Variants in FAAP100 observed in about 807,000 individuals in gnomAD.
FAAP100 encodes Fanconi anemia core complex-associated protein 100.
Under a neutral mutation model 65.8 loss-of-function variants are expected in FAAP100, and 46 were observed. The observed-to-expected ratio is 0.70, with a 90% CI of 0.55 to 0.89. The LOEUF (loss-of-function observed/expected upper bound fraction) is 0.89. Ranked by LOEUF, FAAP100 falls within the 40% of genes least tolerant of loss-of-function variation. The pLI is 0.00. For synonymous variants in FAAP100, 663 were observed against 555.1 expected, an observed-to-expected ratio of 1.19 and a Z score of -2.73; for missense variants, 1,165 against 1,196.7, an observed-to-expected ratio of 0.97 and a Z score of 0.39.
At chr17:81,551,331 T>C in intron 2 of FAAP100, 128 bp from the exon 3 acceptor site, 1 of 907,036 alleles carries the variant, frequency 1.1e-6, no homozygotes, top group Non-Finnish European at 1.6e-6. Context: ...CGCTCAGCAG[T>C]CCATCTGCCA....
rs943829812 is a variant in FAAP100, at chr17:81,547,391, G to C, written c.1691C>G (p.Thr564Ser). The change falls in exon 5 of 9, where the codon ACC becomes AGC. Residue 564 changes from threonine to serine, a missense_variant. Thr to Ser is a moderately conservative substitution (Grantham distance 58). Transcript: ENST00000327787. ...GAGCTGGTCCACGGGGATGGTGTAG[G>C]TGATGGCGGAGCAGGCCGAGTCCAG... is the stretch of plus-strand genomic sequence containing the variant. ...LDLDSACSAI[T>S]YTIPVDQLGP... is the part of the protein sequence containing the mutation. 1.2e-5 allele frequency: 19 copies of C among 1,612,774 alleles called. No homozygotes were observed. The Admixed American group carries it at 2.0e-4, about 17-fold the overall frequency.
intron 3 of FAAP100, among the ~76,000 whole-genome samples, chr17:81,549,914 T>G (rs945422924): frequency 6.6e-6 from 1 of 152,210 alleles, no homozygotes; most frequent in Admixed American, 6.5e-5. Context: ...CAGACCTCCC[T>G]GGGCTGCTTG....
Position 81,550,825 on chromosome 17 carries a change from G to T in FAAP100, c.669C>A (p.Ala223=). Residue 223 remains alanine, a synonymous_variant, in exon 3 of 9, where the codon GCC becomes GCA. Coordinates refer to ENST00000327787, the MANE Select transcript of FAAP100 (RefSeq NM_025161.6). ...GGSGGFTLED[A]LFGLLFGADA... ...CAGCTCCAAAGAGGAGCCCGAAGAG[G>T]GCGTCCTCCAGCGTGAAGCCCCCGG... is the stretch of plus-strand genomic sequence containing the variant. The T allele has an allele frequency of 6.2e-7, 1 of 1,612,350 alleles. No homozygotes were observed. Among genetic ancestry groups the T allele is most frequent in the Non-Finnish European group, 8.5e-7 (1 of 1,179,744 alleles).
chr17:81,551,650 A>C (rs1598601765), intron 2 of FAAP100: 1 of 1,277,884 alleles, frequency 7.8e-7, no homozygotes, highest in Non-Finnish European at 1.0e-6. Flanking sequence ...GGCGTGTCTC[A>C]CCAGACAGCA....
chr17:81,548,107 G>C (rs940699964), intron 4 of FAAP100: 2 of 616,852 alleles, frequency 3.2e-6, no homozygotes, highest in East Asian at 5.5e-5. Context: ...AAACCAGGGG[G>C]GTCGCAGGCG....
Position 81,540,636 on chromosome 17 carries a change from A to C in FAAP100, c.*183T>G. On this transcript the variant is annotated 3_prime_UTR_variant, in exon 9 of 9. Coordinates refer to ENST00000327787, the MANE Select transcript of FAAP100 (RefSeq NM_025161.6). ...GCCCGCCTCGGTTGCTCCCAATCAG[A>C]ATCTGCTTTGTGCTCCACGGCCTCC... 1.2e-6 allele frequency: 1 copy of C among 803,078 alleles called. No individual in the cohort carries two copies. Among genetic ancestry groups the C allele is most frequent in the Non-Finnish European group, 1.8e-6 (1 of 564,122 alleles). The allele number at this position is 803,078 out of a possible 1,614,324, so 49.7% of individuals were successfully genotyped here.
In FAAP100 at chr17:81,540,144, T is replaced by C. The variant is rs8055; in HGVS notation, c.*675A>G. On this transcript the variant is annotated 3_prime_UTR_variant, in exon 9 of 9. Coordinates refer to ENST00000327787, the MANE Select transcript of FAAP100 (RefSeq NM_025161.6). Reference sequence around the variant, plus strand: ...GCACAGTGCTGGGTACTGCCCCGGCTGGAGGCACCTAGTTGTTGAGCATTC... The same window carrying C: ...GCACAGTGCTGGGTACTGCCCCGGCCGGAGGCACCTAGTTGTTGAGCATTC... 0.92 allele frequency: 366,387 copies of C among 398,808 alleles called. 168,609 individuals are homozygous for C. The highest frequency in any genetic ancestry group is 1 in the East Asian group (28,026 of 28,036). 24.7% of individuals were successfully genotyped at this position (398,808 alleles called of 1,614,324 possible).
intron 7 of FAAP100, among the ~76,000 whole-genome samples, chr17:81,541,967 A>C (rs1402599377): frequency 6.6e-6 from 1 of 151,790 alleles, no homozygotes; most frequent in South Asian, 2.1e-4. Context: ...GGAGATCGAG[A>C]CCATCCCGGC....
intron 5 of FAAP100, chr17:81,546,581 A>C: frequency 3.3e-6 from 1 of 303,098 alleles, no homozygotes; most frequent in Admixed American, 5.0e-5. Context: ...ACATAAGGCC[A>C]GAGCCCAACA....
chr17:81,550,818 C>G lies in FAAP100; in HGVS notation c.676G>C (p.Gly226Arg), dbSNP rs768301603. ...GGFTLEDALF[G>R]LLFGADATLL... The stretch of plus-strand genomic sequence containing the variant: ...GTGGCATCAGCTCCAAAGAGGAGCC[C>G]GAAGAGGGCGTCCTCCAGCGTGAAG... The change falls in exon 3 of 9, where the codon GGG (glycine) becomes CGG (arginine). Residue 226 changes from glycine (G) to arginine (R), a missense_variant. Gly to Arg is a moderately radical substitution (Grantham distance 125). Coordinates refer to ENST00000327787, the MANE Select transcript of FAAP100 (RefSeq NM_025161.6). 1 of 1,612,222 alleles carries G rather than the reference C, an allele frequency of 6.2e-7. No individual in the cohort carries two copies. The highest frequency in any genetic ancestry group is 8.5e-7 in the Non-Finnish European group (1 of 1,179,642).
In FAAP100 at chr17:81,547,335, G is replaced by A. The variant is rs1377318928; in HGVS notation, c.1747C>T (p.Pro583Ser). The change falls in exon 5 of 9, where the codon CCC (proline) becomes TCC (serine). Residue 583 changes from proline (P) to serine (S), a missense_variant. Coordinates refer to ENST00000327787, the MANE Select transcript of FAAP100 (RefSeq NM_025161.6). ...CCGCCGTTCTCACCAGGGCCCAGGG[G>A]TAGCGTCACCTCCCGCCGAGCACCG... ...GPGARREVTL[P>S]LGPGENGGLD... is the part of the protein sequence containing the mutation. 1 of 1,612,688 alleles carries A rather than the reference G, an allele frequency of 6.2e-7. No homozygotes were observed. Among genetic ancestry groups the A allele is most frequent in the Non-Finnish European group, 8.5e-7 (1 of 1,179,864 alleles).
chr17:81,547,106 G>T lies in FAAP100; in HGVS notation c.1976C>A (p.Ala659Asp). ...MLQCLRFPGL[A>D]PPHTRAPSPL... ...GGAGGGGGCCCGTGTGTGTGGCGGG[G>T]CCAGGCCAGGGAAGCGCAGACACTG... The change falls in exon 5 of 9, where the codon GCC (alanine) becomes GAC (aspartate). Residue 659 changes from alanine (A) to aspartate (D), a missense_variant. Coordinates refer to ENST00000327787, the MANE Select transcript of FAAP100 (RefSeq NM_025161.6). 1 of 1,522,922 alleles carries T rather than the reference G, an allele frequency of 6.6e-7. No homozygotes were observed. The highest frequency in any genetic ancestry group is 8.8e-7 in the Non-Finnish European group (1 of 1,134,690). 94.3% of individuals were successfully genotyped at this position (1,522,922 alleles called of 1,614,324 possible).
rs769790478 is a variant in FAAP100 at position 81,550,276 on chromosome 17, C to T, written c.1218G>A (p.Ser406=). The T allele has an allele frequency of 9.3e-6, 15 of 1,607,914 alleles. No homozygotes were observed. The highest frequency in any genetic ancestry group is 1.2e-5 in the Non-Finnish European group (14 of 1,176,964). ...CATGCGTCCTGGGAGACGCGGACAGCGAGACGACACTGCAGATGTTCAGGC... is the reference window on the plus strand; with the variant it reads ...CATGCGTCCTGGGAGACGCGGACAGTGAGACGACACTGCAGATGTTCAGGC... The part of the protein sequence containing the change: ...PASLNICSVV[S]LSASPRTHEG... The change falls in exon 3 of 9, where the codon TCG becomes TCA. Residue 406 remains serine, a synonymous_variant. Coordinates refer to ENST00000327787, the MANE Select transcript of FAAP100 (RefSeq NM_025161.6).
chr17:81,541,458 G>T (rs58483803), intron 7 of FAAP100, 63 bp from the exon 8 acceptor site: 1 of 1,428,186 alleles, frequency 7.0e-7, no homozygotes, highest in South Asian at 1.2e-5. Flanking sequence ...ACACCCCTTG[G>T]AGCAGGGTGA....
intron 7 of FAAP100, among the ~76,000 whole-genome samples, chr17:81,543,206 CAGTGCCCACGGGAGTCA>C (rs2033181418): frequency 6.6e-6 from 1 of 152,220 alleles, no homozygotes. Context: ...AGCATTACCA[CAGTGCCCACGGGAGTCA>C]AGCTGGCGTC....
Position 81,547,030 on chromosome 17 carries a change from C to T in FAAP100, c.2052G>A (p.Arg684=). The change falls in exon 5 of 9, where the codon CGG becomes CGA. Residue 684 remains arginine, a synonymous_variant. Coordinates refer to ENST00000327787, the MANE Select transcript of FAAP100 (RefSeq NM_025161.6). ...DPVATFLETC[R]EPGSQPAGPA... Reference sequence around the variant, plus strand: ...GTCCTGCTGGCTGGCTGCCAGGCTCCCGACAAGTTTCCAGAAAAGTGGCCA... The same window carrying T: ...GTCCTGCTGGCTGGCTGCCAGGCTCTCGACAAGTTTCCAGAAAAGTGGCCA... The T allele has an allele frequency of 1.3e-6, 2 of 1,552,942 alleles. No homozygotes were observed. Among genetic ancestry groups the T allele is most frequent in the East Asian group, 2.3e-5 (1 of 44,148 alleles).
intron 7 of FAAP100, among the ~76,000 whole-genome samples, chr17:81,543,094 G>A (rs1323220063): frequency 6.6e-6 from 1 of 152,230 alleles, no homozygotes; most frequent in African/African-American, 2.4e-5. Context: ...GAGATCTCTG[G>A]GTCATGGTGC....
At chr17:81,547,952 C>G (rs751490530) in intron 4 of FAAP100, 46 of 703,842 alleles carry the variant, frequency 6.5e-5, no homozygotes, top group Non-Finnish European at 6.0e-5. Flanking sequence ...GCTGGTGCTC[C>G]GGGGACCTAG....
chr17:81,550,099 CAA>C (rs1177823431), intron 3 of FAAP100, 147 bp downstream of exon 3: 17 of 786,336 alleles, frequency 2.2e-5, no homozygotes, highest in Non-Finnish European at 3.4e-5. Flanking sequence ...GACCTTGAGA[CAA>C]GAGAGTTAAC....
Sources: allele counts gnomAD v4.1 joint callset (sites outside exome capture counted in the v4.1 genomes callset), GRCh38; gene constraint gnomAD v4.1.1; transcripts MANE v1.5; gene names NCBI Gene and HGNC (gene_info 2026-07-23, HGNC 2026-07-21).